Variants in RUFY1 observed in about 807,000 individuals in gnomAD.
RUFY1 encodes RUN and FYVE domain containing 1.
Under a neutral mutation model 94.6 loss-of-function variants are expected in RUFY1, and 54 were observed. The ratio of observed to expected loss-of-function variants is 0.57; its 90% CI spans 0.46 to 0.72. RUFY1 has a LOEUF of 0.72. RUFY1 is among the 30% of genes least tolerant of loss of function. The probability of loss-of-function intolerance (pLI) is 0.00; values close to 1 mark genes in which losing one functional copy is unlikely to be tolerated. For missense variants in RUFY1, 883 were observed against 883.9 expected, an observed-to-expected ratio of 1.00 and a Z score of 0.01; for synonymous variants, 396 against 347.3, an observed-to-expected ratio of 1.14 and a Z score of -1.56.
chr5:179,585,994 C>A (rs566777325), intron 8 of RUFY1, 129 bp downstream of exon 8: 16 of 707,982 alleles, frequency 2.3e-5, no homozygotes, highest in Non-Finnish European at 3.5e-5. Flanking sequence ...CCAGCTACCC[C>A]ACGTGGGACA....
At chr5:179,607,471 C>T in intron 16 of RUFY1, 111 bp from the exon 17 acceptor site, 1 of 847,380 alleles carries the variant, frequency 1.2e-6, no homozygotes, top group Non-Finnish European at 2.0e-6. Flanking sequence ...GAAACAGTGC[C>T]TCACTAGGAA....
At position 179,569,393 on chromosome 5, in the gene RUFY1, C is replaced by T. The variant is rs186494640; in HGVS notation, c.796C>T (p.Leu266Phe). ...LVGLNVLDANLCLKGEDLDSQ... is the reference protein window; with the variant it reads ...LVGLNVLDANFCLKGEDLDSQ... ...GGGACTCAATGTTCTCGATGCCAAT[C>T]TCTGCTTGAAAGGAGAAGACTTGGA... The change falls in exon 5 of 18, where the codon CTC (leucine) becomes TTC (phenylalanine). Residue 266 changes from leucine (L) to phenylalanine (F), a missense_variant. By Grantham distance (22) the Leu-to-Phe change is conservative. Coordinates refer to ENST00000319449, the MANE Select transcript of RUFY1 (RefSeq NM_025158.5). The T allele has an allele frequency of 1.2e-6, 2 of 1,613,574 alleles. No individual in the cohort carries two copies. The highest frequency in any genetic ancestry group is 1.7e-6 in the Non-Finnish European group (2 of 1,179,958).
intron 5 of RUFY1, among the ~76,000 whole-genome samples, chr5:179,569,827 C>A (rs1478435453): frequency 6.6e-6 from 1 of 152,146 alleles, no homozygotes; most frequent in Non-Finnish European, 1.5e-5. Flanking sequence ...TCCCTGCAAC[C>A]TCCGCCTCCC....
rs765658327 is a variant in RUFY1, at chr5:179,550,698, G to A, written c.129G>A (p.Gln43=). The A allele has an allele frequency of 9.4e-6, 14 of 1,495,344 alleles. No individual in the cohort carries two copies. Among genetic ancestry groups the A allele is most frequent in the Non-Finnish European group, 1.2e-5 (13 of 1,128,282 alleles). The allele number at this position is 1,495,344 out of a possible 1,614,324, so 92.6% of individuals were successfully genotyped here. A position where few individuals can be genotyped will look rare whatever the true frequency, so the allele number is the denominator to read the frequency against. Residue 43 remains glutamine (Q), a synonymous_variant, in exon 1 of 18, where the codon CAG becomes CAA. Coordinates refer to ENST00000319449, the MANE Select transcript of RUFY1 (RefSeq NM_025158.5). ...GEEFEIVDRS[Q]LPGPGDLRSA... ...AGTTTGAGATCGTGGACCGAAGCCA[G>A]CTGCCCGGCCCAGGCGACCTGCGGA...
At chr5:179,606,866 G>C (rs1767140603) in intron 16 of RUFY1, 1 of 152,522 alleles carries the variant, frequency 6.6e-6, no homozygotes, top group Non-Finnish European at 1.5e-5. Flanking sequence ...TTGTCCAGCA[G>C]ATGTTAACAG....
At chr5:179,576,993 T>C (rs754634335) in intron 5 of RUFY1, 82 bp from the exon 6 acceptor site, 32 of 960,538 alleles carry the variant, frequency 3.3e-5, no homozygotes, top group Non-Finnish European at 5.4e-5. Flanking sequence ...GAGATAAGAA[T>C]GAAATACCTG....
chr5:179,591,821 T>G (rs1282667934), intron 10 of RUFY1, 80 bp downstream of exon 10: 2 of 853,496 alleles, frequency 2.3e-6, no homozygotes, highest in Admixed American at 5.3e-5. Flanking sequence ...TAGACATGCT[T>G]CACCATCCTG....
chr5:179,560,215 G>T lies in RUFY1; in HGVS notation c.484+17G>T, dbSNP rs777338134. The T allele has an allele frequency of 6.2e-7, 1 of 1,607,634 alleles. No homozygotes were observed. Among genetic ancestry groups the T allele is most frequent in the South Asian group, 1.1e-5 (1 of 90,684 alleles). On this transcript the variant is annotated intron_variant, in intron 2 of 17. Coordinates refer to ENST00000319449, the MANE Select transcript of RUFY1 (RefSeq NM_025158.5). Reference sequence around the variant, plus strand: ...GGCTGAAAGGTGAGCCTGAGGGGGCGTTTGGGAGCGTGGAAGTTCGGGCTG... The same window carrying T: ...GGCTGAAAGGTGAGCCTGAGGGGGCTTTTGGGAGCGTGGAAGTTCGGGCTG...
chr5:179,560,473 A>G (rs537210437), intron 2 of RUFY1, among the ~76,000 whole-genome samples: 304 of 152,126 alleles, frequency 2.0e-3, no homozygotes, highest in Non-Finnish European at 2.8e-3. Context: ...TAATCCCAGC[A>G]CTTTGGGAGG....
In RUFY1 at chr5:179,584,826, G is replaced by T. The variant is rs867117407; in HGVS notation, c.957-970G>T. ...AAATAATATTTTTTAAATGGGGAAG[G>T]TGTAAAAGGGATTTAAAAACACCTT... On this transcript the variant is annotated intron_variant, in intron 7 of 17. Transcript: ENST00000319449. 5.9e-5 allele frequency among the ~76,000 whole-genome samples: 9 copies of T among 152,230 alleles called. 1 individual carries two copies. Among genetic ancestry groups the T allele is most frequent in the Middle Eastern group, 3.4e-3 (1 of 292 alleles).
In RUFY1 at chr5:179,589,595, A is replaced by C; in HGVS notation, c.1076A>C (p.Gln359Pro). ...RICSLQEEQQ[Q>P]LREQNELIRE... is the part of the protein sequence containing the mutation. ...TGCTCACTTCAAGAAGAACAGCAGC[A>C]GTTAAGAGAACAAAATGAATTAATT... The change falls in exon 9 of 18, where the codon CAG (glutamine) becomes CCG (proline). Residue 359 changes from glutamine (Q) to proline (P), a missense_variant. Coordinates refer to ENST00000319449, the MANE Select transcript of RUFY1 (RefSeq NM_025158.5). The C allele has an allele frequency of 6.2e-7, 1 of 1,614,196 alleles. No homozygotes were observed. The highest frequency in any genetic ancestry group is 8.5e-7 in the Non-Finnish European group (1 of 1,180,008).
At chr5:179,570,858 G>C (rs1044933132) in intron 5 of RUFY1, among the ~76,000 whole-genome samples, 5 of 151,780 alleles carry the variant, frequency 3.3e-5, no homozygotes, top group Non-Finnish European at 7.4e-5. Flanking sequence ...TTTTTGAAAA[G>C]ACACTAAACA....
intron 5 of RUFY1, 29 bp from the exon 6 acceptor site, chr5:179,577,045 AT>A (rs1368941788): frequency 1.4e-6 from 2 of 1,428,082 alleles, no homozygotes; most frequent in Admixed American, 1.8e-5. Context: ...AGGACATTTT[AT>A]TTAAACTTGT....
At chr5:179,553,829 C>G (rs1761978258) in intron 1 of RUFY1, among the ~76,000 whole-genome samples, 1 of 152,144 alleles carries the variant, frequency 6.6e-6, no homozygotes, top group South Asian at 2.1e-4. Flanking sequence ...GTATTAATAA[C>G]TACCACTCAA....
intron 6 of RUFY1, 23 bp downstream of exon 6, chr5:179,577,159 C>CTTGTTTTT: frequency 5.5e-6 from 1 of 183,384 alleles, no homozygotes; most frequent in Non-Finnish European, 9.6e-6. Flanking sequence ...TTGTATGTCA[C>CTTGTTTTT]TTTTTTTTTT....
Position 179,550,669 on chromosome 5 carries a change from G to A in RUFY1, c.100G>A (p.Glu34Lys), listed in dbSNP as rs777661655. The change falls in exon 1 of 18, where the codon GAA becomes AAA. Residue 34 changes from glutamate (E) to lysine (K), a missense_variant. By Grantham distance (56) the Glu-to-Lys change is moderately conservative (BLOSUM62 1). Coordinates refer to ENST00000319449, the MANE Select transcript of RUFY1 (RefSeq NM_025158.5). ...GCCCGGGTCAGCGCTTGAGCCGGGA[G>A]AAGAGTTTGAGATCGTGGACCGAAG... Reference protein sequence around the residue: ...PGPGSALEPGEEFEIVDRSQL... With the variant: ...PGPGSALEPGKEFEIVDRSQL... 2.0e-6 allele frequency: 3 copies of A among 1,493,838 alleles called. No individual in the cohort carries two copies. The South Asian group carries it at 3.7e-5, about 19-fold the overall frequency. The allele number at this position is 1,493,838 out of a possible 1,614,324, so 92.5% of individuals were successfully genotyped here. A position where few individuals can be genotyped will look rare whatever the true frequency, so the allele number is the denominator to read the frequency against.
intron 1 of RUFY1, among the ~76,000 whole-genome samples, chr5:179,557,604 C>G (rs1316710261): frequency 6.6e-6 from 1 of 152,118 alleles, no homozygotes; most frequent in Admixed American, 6.5e-5. Context: ...TCATGTATTT[C>G]AAATCCATTT....
chr5:179,609,426 C>A lies in RUFY1; in HGVS notation c.2034C>A (p.Asn678Lys). The A allele has an allele frequency of 6.2e-7, 1 of 1,613,322 alleles. No individual in the cohort carries two copies. Among genetic ancestry groups the A allele is most frequent in the Non-Finnish European group, 8.5e-7 (1 of 1,179,808 alleles). Residue 678 changes from asparagine to lysine, a missense_variant, in exon 18 of 18, where the codon AAC (asparagine) becomes AAA (lysine). Transcript: ENST00000319449. ...GHIFCNTCSS[N>K]ELALPSYPKP... is the part of the protein sequence containing the mutation. Reference sequence around the variant, plus strand: ...TCTTCTGCAACACCTGCTCCAGCAACGAGCTGGCCCTGCCCTCCTACCCCA... The same window carrying A: ...TCTTCTGCAACACCTGCTCCAGCAAAGAGCTGGCCCTGCCCTCCTACCCCA...
chr5:179,595,974 C>T (rs1765601032), intron 12 of RUFY1: 1 of 155,556 alleles, frequency 6.4e-6, no homozygotes, highest in African/African-American at 2.4e-5. Context: ...TCTCAAGAAG[C>T]TAAACGTCCT....
Sources: allele counts gnomAD v4.1 joint callset (sites outside exome capture counted in the v4.1 genomes callset), GRCh38; gene constraint gnomAD v4.1.1; transcripts MANE v1.5; gene names NCBI Gene and HGNC (gene_info 2026-07-23, HGNC 2026-07-21).